PIEZO2: variants seen among roughly 807,000 people sequenced by gnomAD.
The protein encoded by PIEZO2 is piezo type mechanosensitive ion channel component 2, also known as piezo-type mechanosensitive ion channel component 2.
In PIEZO2, 172 loss-of-function variants were observed where a neutral mutation model predicts 337.3. That is an observed-to-expected ratio of 0.51 (90% confidence interval 0.45 to 0.58). PIEZO2 has a LOEUF of 0.58. Ranked by LOEUF, PIEZO2 falls within the 20% of genes least tolerant of loss-of-function variation. PIEZO2 has a pLI of 0.00. For missense variants in PIEZO2, 3,028 were observed against 3,391.3 expected (o/e 0.89, Z 2.66); for synonymous variants, 1,251 against 1,228.5 (o/e 1.02, Z -0.38).
intron 18 of PIEZO2, among the ~76,000 whole-genome samples, chr18:10,776,810 T>C (rs1327755124): frequency 6.6e-6 from 1 of 152,178 alleles, no homozygotes; most frequent in African/African-American, 2.4e-5. Context: ...TCAGCTTTTT[T>C]TTTCCTTCCT....
chr18:10,855,687 A>C lies in PIEZO2; in HGVS notation c.704-121T>G, dbSNP rs1245935778. 1.3e-6 allele frequency: 1 copy of C among 770,334 alleles called. No homozygotes were observed. The highest frequency in any genetic ancestry group is 2.0e-6 in the Non-Finnish European group (1 of 498,884). The allele number at this position is 770,334 out of a possible 1,614,324, so 47.7% of individuals were successfully genotyped here. A position where few individuals can be genotyped will look rare whatever the true frequency, so the allele number is the denominator to read the frequency against. Reference sequence around the variant, plus strand: ...CAAGTGTTTTTAGGTTTTTTAAAATAGTAATTTTTAAAAATCATGTTTGAT... The same window carrying C: ...CAAGTGTTTTTAGGTTTTTTAAAATCGTAATTTTTAAAAATCATGTTTGAT... On this transcript the variant is annotated intron_variant, in intron 6 of 55. Transcript: ENST00000674853. This position sits in a 1 kb window ranked among gnomAD's most constrained non-coding sequence, Gnocchi z 4.9.
rs1364856301 is a variant in PIEZO2, at chr18:11,126,237, GTTTTTACTATCACAGT to G, written c.64+22272_64+22287del. 6.6e-6 allele frequency among the ~76,000 whole-genome samples: 1 copy of G among 152,176 alleles called. No individual in the cohort carries two copies. The highest frequency in any genetic ancestry group is 1.5e-5 in the Non-Finnish European group (1 of 68,032). ...ATATTCCCAGTAGGTTCAACATGAA[GTTTTTACTATCACAGT>G]TTTGTTTATTATTTTCCAGAAATCG... On this transcript the variant is annotated intron_variant, in intron 1 of 55. Coordinates refer to ENST00000674853, the MANE Select transcript of PIEZO2 (RefSeq NM_001378183.1). This position sits in a 1 kb window ranked among gnomAD's most constrained non-coding sequence, Gnocchi z 4.6.
intron 1 of PIEZO2, among the ~76,000 whole-genome samples, chr18:11,147,155 G>A (rs537448416): frequency 2.6e-5 from 4 of 152,288 alleles, no homozygotes; most frequent in African/African-American, 9.6e-5. Context: ...GGCGGGGAGA[G>A]AGGTGCATAT....
intron 4 of PIEZO2, among the ~76,000 whole-genome samples, chr18:10,910,267 T>A (rs1174529926): frequency 4.6e-5 from 7 of 152,228 alleles, no homozygotes; most frequent in Admixed American, 4.6e-4. Flanking sequence ...CTAACATTCA[T>A]TCCAAGGTAG....
intron 36 of PIEZO2, chr18:10,725,022 G>T (rs1254647064): frequency 6.3e-7 from 1 of 1,586,164 alleles, no homozygotes. Context: ...GTGCCAGCAA[G>T]AGCCCCTGCA....
chr18:10,741,086 C>T lies in PIEZO2; in HGVS notation c.4653G>A (p.Gln1551=). 1 of 1,535,514 alleles carries T rather than the reference C, an allele frequency of 6.5e-7. No homozygotes were observed. Among genetic ancestry groups the T allele is most frequent in the Non-Finnish European group, 8.7e-7 (1 of 1,145,974 alleles). ...EEDDEREADK[Q]KAKGKKKQWW... is the part of the protein sequence containing the mutation. ...ACTGCTTTTTTTTGCCCTTGGCTTT[C>T]TGTTTGTCTGCTTCTCCTAAAATAA... The change falls in exon 33 of 56, where the codon CAG becomes CAA. Residue 1551 remains glutamine, a synonymous_variant. Coordinates refer to ENST00000674853, the MANE Select transcript of PIEZO2 (RefSeq NM_001378183.1).
At chr18:10,956,325 A>G (rs1482124990) in intron 3 of PIEZO2, among the ~76,000 whole-genome samples, 1 of 152,224 alleles carries the variant, frequency 6.6e-6, no homozygotes, top group South Asian at 2.1e-4. Context: ...AAATTTAACC[A>G]GGAGAGGAAA....
At chr18:10,761,944 T>C (rs2038152844) in intron 23 of PIEZO2, among the ~76,000 whole-genome samples, 1 of 152,248 alleles carries the variant, frequency 6.6e-6, no homozygotes, top group African/African-American at 2.4e-5. Flanking sequence ...TGACTATTTG[T>C]ACTCGTTTCC....
At chr18:10,822,845 TA>T (rs1437934134) in intron 7 of PIEZO2, among the ~76,000 whole-genome samples, 1 of 152,234 alleles carries the variant, frequency 6.6e-6, no homozygotes, top group Non-Finnish European at 1.5e-5. Context: ...TACTGTGGAT[TA>T]AACTAACTTT....
At position 11,003,730 on chromosome 18, in the gene PIEZO2, T is replaced by G. The variant is rs1480593790; in HGVS notation, c.161-24070A>C. 6.6e-6 allele frequency among the ~76,000 whole-genome samples: 1 copy of G among 152,062 alleles called. No homozygotes were observed. The highest frequency in any genetic ancestry group is 1.5e-5 in the Non-Finnish European group (1 of 68,006). On this transcript the variant is annotated intron_variant, in intron 2 of 55. Coordinates refer to ENST00000674853, the MANE Select transcript of PIEZO2 (RefSeq NM_001378183.1). The surrounding 1 kb of genome is among the most constrained non-coding windows in gnomAD (Gnocchi z 4.6). ...TGTGGACACACCAATTTACCTAACA[T>G]GTCCAGCTCTGGGACGTGGGAGGAA...
chr18:11,015,370 T>A (rs1568297322), intron 2 of PIEZO2, among the ~76,000 whole-genome samples: 1 of 152,164 alleles, frequency 6.6e-6, no homozygotes, highest in Non-Finnish European at 1.5e-5. Context: ...CCTTCTGTCT[T>A]CCTTCTCTGT....
In PIEZO2 at chr18:10,783,451, G is replaced by A. The variant is rs1230054397; in HGVS notation, c.2492+1333C>T. Among the ~76,000 whole-genome samples the A allele has an allele frequency of 6.6e-6, 1 of 152,270 alleles. No homozygotes were observed. The highest frequency in any genetic ancestry group is 1.9e-4 in the East Asian group (1 of 5,186). ...CTTTGTAAACTTTTAAACTTGGGGT[G>A]ATTTTCCCTCCCATCAAGTTTGTCT... On this transcript the variant is annotated intron_variant, in intron 17 of 55. Coordinates refer to ENST00000674853, the MANE Select transcript of PIEZO2 (RefSeq NM_001378183.1). This position sits in a 1 kb window ranked among gnomAD's most constrained non-coding sequence, Gnocchi z 4.3.
Position 11,131,631 on chromosome 18 carries a change from G to T in PIEZO2, c.64+16894C>A, listed in dbSNP as rs2040342285. Reference sequence around the variant, plus strand: ...CATGGAAGAAGAAATGGCCAGATATGTGATTATATACTGATTAATGGGATG... The same window carrying T: ...CATGGAAGAAGAAATGGCCAGATATTTGATTATATACTGATTAATGGGATG... On this transcript the variant is annotated intron_variant, in intron 1 of 55. Transcript: ENST00000674853. The surrounding 1 kb of genome is among the most constrained non-coding windows in gnomAD (Gnocchi z 5.3). Among the ~76,000 whole-genome samples, 1 of 152,200 alleles carries T rather than the reference G, an allele frequency of 6.6e-6. No homozygotes were observed. Among genetic ancestry groups the T allele is most frequent in the African/African-American group, 2.4e-5 (1 of 41,452 alleles).
chr18:10,751,612 C>T (rs1214077854), intron 28 of PIEZO2, among the ~76,000 whole-genome samples: 4 of 152,170 alleles, frequency 2.6e-5, no homozygotes, highest in East Asian at 3.8e-4. Context: ...CGTGCCCCCC[C>T]GAAAATCAAG....
intron 1 of PIEZO2, among the ~76,000 whole-genome samples, chr18:11,141,118 C>G (rs757521756): frequency 6.6e-6 from 1 of 152,192 alleles, no homozygotes; most frequent in Non-Finnish European, 1.5e-5. Context: ...TTTGTCTTAT[C>G]TAAGCATCAT....
intron 35 of PIEZO2, among the ~76,000 whole-genome samples, chr18:10,734,858 G>C (rs2036935225): frequency 1.3e-5 from 2 of 152,116 alleles, no homozygotes; most frequent in South Asian, 4.1e-4. Flanking sequence ...AATTTTACCA[G>C]CTTTCTGAGA....
chr18:10,678,933 CTTTTTT>C (rs552952913), intron 52 of PIEZO2, among the ~76,000 whole-genome samples: 9 of 128,548 alleles, frequency 7.0e-5, no homozygotes, highest in South Asian at 2.5e-4. Context: ...GCTGCAATTT[CTTTTTT>C]TTTTTTTTTT....
In PIEZO2 at chr18:10,746,634, G is replaced by A. The variant is rs531677279; in HGVS notation, c.4424+1837C>T. Among the ~76,000 whole-genome samples the A allele has an allele frequency of 3.1e-4, 47 of 152,320 alleles. No homozygotes were observed. Among genetic ancestry groups the A allele is most frequent in the Non-Finnish European group, 6.6e-4 (45 of 68,026 alleles). ...CTGACTCCCAAGGTGACGGACAGGA[G>A]GTAAGGCCTTTTGGAGTAGATTGAG... On this transcript the variant is annotated intron_variant, in intron 30 of 55. Transcript: ENST00000674853. The surrounding 1 kb of genome is among the most constrained non-coding windows in gnomAD (Gnocchi z 4.2).
intron 7 of PIEZO2, among the ~76,000 whole-genome samples, chr18:10,826,964 T>C (rs2040693897): frequency 6.6e-6 from 1 of 152,228 alleles, no homozygotes; most frequent in Non-Finnish European, 1.5e-5. Flanking sequence ...AGATGTAGCC[T>C]TCAAAGGTTG....
Sources: gnomAD v4.1 joint callset for allele counts (sites outside exome capture counted in the v4.1 genomes callset) on GRCh38, gnomAD v4.1.1 for gene constraint, Gnocchi (gnomAD v3.1) non-coding constraint, MANE v1.5 for transcripts, NCBI Gene and HGNC (gene_info 2026-07-23, HGNC 2026-07-21) for gene names.